Variants in COLEC11 observed in about 807,000 individuals in gnomAD.
COLEC11 encodes the protein collectin subfamily member 11.
A neutral mutation model predicts 27.3 loss-of-function variants in COLEC11; 20 were observed. The observed-to-expected ratio is 0.73, with a 90% CI of 0.51 to 1.06. The LOEUF is 1.06. Ranked by LOEUF, COLEC11 falls within the 50% of genes least tolerant of loss-of-function variation. The pLI, the probability that COLEC11 is intolerant of heterozygous loss-of-function variation, is 0.00. For missense variants in COLEC11, 310 were observed against 383.0 expected (o/e 0.81, Z 1.59); for synonymous variants, 163 against 154.7 (o/e 1.05, Z -0.40).
chr2:3,642,627 C>T (rs573308763), intron 5 of COLEC11, among the ~76,000 whole-genome samples: 26 of 152,350 alleles, frequency 1.7e-4, no homozygotes, highest in Non-Finnish European at 3.5e-4. Context: ...ACGTGTGCAG[C>T]TCCCCAGAGT....
At chr2:3,633,024 C>T (rs1185506507) in intron 3 of COLEC11, among the ~76,000 whole-genome samples, 1 of 152,190 alleles carries the variant, frequency 6.6e-6, no homozygotes, top group African/African-American at 2.4e-5. Context: ...GGCTTCCTCC[C>T]CACCTGGGAG....
chr2:3,601,400 C>T (rs1662209759), intron 1 of COLEC11, among the ~76,000 whole-genome samples: 1 of 152,156 alleles, frequency 6.6e-6, no homozygotes, highest in African/African-American at 2.4e-5. Flanking sequence ...TTCCCAGGCT[C>T]AGGTGATGCT....
intron 3 of COLEC11, among the ~76,000 whole-genome samples, chr2:3,629,994 ATGTG>A (rs987533150): frequency 6.0e-4 from 92 of 152,308 alleles, no homozygotes; most frequent in African/African-American, 2.1e-3. Context: ...AAATGCATGA[ATGTG>A]TGCATGCATC....
intron 3 of COLEC11, among the ~76,000 whole-genome samples, chr2:3,631,571 G>A (rs996733948): frequency 2.6e-5 from 4 of 152,212 alleles, no homozygotes; most frequent in African/African-American, 9.7e-5. Flanking sequence ...ATGGGTTTAG[G>A]GCAGAAGGGA....
At chr2:3,615,940 G>C in intron 3 of COLEC11, among the ~76,000 whole-genome samples, 1 of 94,876 alleles carries the variant, frequency 1.1e-5, no homozygotes, top group African/African-American at 2.7e-5. Context: ...CTGCCGGGTG[G>C]AGATGCTCCT....
At chr2:3,606,132 G>T in intron 2 of COLEC11, 1 of 1,550,598 alleles carries the variant, frequency 6.4e-7, no homozygotes, top group South Asian at 1.2e-5. Flanking sequence ...TCAGCTTTAG[G>T]TTGGAAACGG....
intron 2 of COLEC11, among the ~76,000 whole-genome samples, chr2:3,611,083 C>T (rs866978522): frequency 5.3e-5 from 8 of 152,202 alleles, no homozygotes; most frequent in Non-Finnish European, 1.0e-4. Flanking sequence ...TGGGAAATCG[C>T]AGCTACTAAA....
intron 1 of COLEC11, among the ~76,000 whole-genome samples, chr2:3,601,345 G>A (rs561912330): frequency 5.3e-5 from 8 of 152,120 alleles, no homozygotes; most frequent in East Asian, 1.9e-4. Context: ...CTGACTGCCC[G>A]GGTTGGAGTG....
chr2:3,603,980 G>A (rs1374325074), intron 1 of COLEC11: 4 of 565,688 alleles, frequency 7.1e-6, no homozygotes, highest in Admixed American at 6.1e-5. Flanking sequence ...GCTATGCTGT[G>A]TGGAGACCCC....
rs201206682 is a variant in COLEC11, at chr2:3,605,003, C to T, written c.130+533C>T. 2.8e-5 allele frequency: 13 copies of T among 468,682 alleles called. No homozygotes were observed. The East Asian group carries it at 7.0e-4, about 25-fold the overall frequency. 29.0% of individuals were successfully genotyped at this position (468,682 alleles called of 1,614,324 possible). Reference sequence around the variant, plus strand: ...TGTTGCTTTGTCTGTAATCTGCTCCCGGATAGAGATAGTTCTGCAGGTGAG... The same window carrying T: ...TGTTGCTTTGTCTGTAATCTGCTCCTGGATAGAGATAGTTCTGCAGGTGAG... On this transcript the variant is annotated intron_variant, in intron 2 of 6. Coordinates refer to ENST00000349077, the MANE Select transcript of COLEC11 (RefSeq NM_024027.5).
At chr2:3,606,116 G>T in intron 2 of COLEC11, 1 of 1,550,610 alleles carries the variant, frequency 6.4e-7, no homozygotes, top group South Asian at 1.2e-5. Flanking sequence ...TTTGTGAGTG[G>T]AACCTTCAGC....
At chr2:3,635,502 G>A (rs1363157731) in intron 3 of COLEC11, among the ~76,000 whole-genome samples, 3 of 152,160 alleles carry the variant, frequency 2.0e-5, no homozygotes, top group Non-Finnish European at 4.4e-5. Flanking sequence ...CACCCTCTCC[G>A]ATGCTTTCCT....
chr2:3,614,219 C>T (rs1293392910), intron 3 of COLEC11, among the ~76,000 whole-genome samples: 1 of 151,972 alleles, frequency 6.6e-6, no homozygotes, highest in Non-Finnish European at 1.5e-5. Flanking sequence ...TCAAGTAATA[C>T]ATTTTTTCCA....
At chr2:3,628,909 C>T (rs761760511) in intron 3 of COLEC11, among the ~76,000 whole-genome samples, 5 of 152,170 alleles carry the variant, frequency 3.3e-5, no homozygotes, top group Admixed American at 6.5e-5. Context: ...CTGTGGCGTT[C>T]GTGCCCAGTG....
chr2:3,624,923 T>C (rs1306167760), intron 3 of COLEC11, among the ~76,000 whole-genome samples: 2 of 152,210 alleles, frequency 1.3e-5, no homozygotes, highest in African/African-American at 4.8e-5. Context: ...TGGATCACAC[T>C]CTGCCATCCT....
intron 3 of COLEC11, among the ~76,000 whole-genome samples, chr2:3,631,113 C>G (rs530650776): frequency 1.4e-4 from 22 of 152,036 alleles, no homozygotes; most frequent in Non-Finnish European, 2.9e-4. Context: ...CGCCTGTAAT[C>G]CCAACTACTC....
In COLEC11 at chr2:3,604,487, C is replaced by G; in HGVS notation, c.130+17C>G. On this transcript the variant is annotated intron_variant, in intron 2 of 6. Transcript: ENST00000349077. ...GCCTCAAAGGTAACCGCTCCCTGGA[C>G]TCTGGGCTGCTGGGCAGTGGCCTCC... The G allele has an allele frequency of 6.2e-7, 1 of 1,613,604 alleles. No homozygotes were observed. The highest frequency in any genetic ancestry group is 8.5e-7 in the Non-Finnish European group (1 of 1,179,986).
chr2:3,615,126 TTTTA>T (rs70938959), intron 3 of COLEC11, among the ~76,000 whole-genome samples: 1 of 76,218 alleles, frequency 1.3e-5, no homozygotes, highest in Non-Finnish European at 3.0e-5. Context: ...TTTAAAGGGA[TTTTA>T]TTTATTTATT....
At chr2:3,638,641 G>C (rs141249704) in intron 4 of COLEC11, among the ~76,000 whole-genome samples, 1,648 of 152,240 alleles carry the variant, frequency 0.011, 31 homozygotes, top group African/African-American at 0.037. Context: ...TGGTAGAAAG[G>C]GCTCTGTGGC....
Sources: allele counts gnomAD v4.1 joint callset (sites outside exome capture counted in the v4.1 genomes callset), GRCh38; gene constraint gnomAD v4.1.1; transcripts MANE v1.5; gene names NCBI Gene and HGNC (gene_info 2026-07-23, HGNC 2026-07-21).